PDE4DIP: variants seen among roughly 807,000 people sequenced by gnomAD.
PDE4DIP encodes myomegalin.
PDE4DIP carries 59 observed loss-of-function variants against 221.4 expected under a neutral mutation model. The ratio of observed to expected loss-of-function variants is 0.27; its 90% CI spans 0.22 to 0.33. The LOEUF is 0.33. PDE4DIP is among the 10% of genes least tolerant of loss of function. The probability of loss-of-function intolerance (pLI) is 1.00; values close to 1 mark genes in which losing one functional copy is unlikely to be tolerated. For synonymous variants in PDE4DIP, 404 were observed against 815.9 expected (o/e 0.50, Z 8.60); for missense variants, 1,036 against 2,154.2 (o/e 0.48, Z 10.28).
At position 148,813,766 on chromosome 1, in the gene PDE4DIP, T is replaced by C. The variant is rs12063862; in HGVS notation, c.233+5029T>C. ...TATTGTGATCAAGGTGTTTTTTTTT[T>C]TCTTTTTTATCTTTTTTTTTTTTTT... is the stretch of plus-strand genomic sequence containing the variant. On this transcript the variant is annotated intron_variant, in intron 1 of 45. Coordinates refer to the PDE4DIP transcript ENST00000524974. Among the ~76,000 whole-genome samples, 5 of 133,210 alleles carry C rather than the reference T, an allele frequency of 3.8e-5. No individual in the cohort carries two copies. The East Asian group carries it at 1.2e-3, about 31-fold the overall frequency. 87.4% of individuals were successfully genotyped at this position (133,210 alleles called of 152,430 possible). A position where few individuals can be genotyped will look rare whatever the true frequency, so the allele number is the denominator to read the frequency against.
chr1:149,022,022 G>C (rs1553620104), intron 37 of PDE4DIP, among the ~76,000 whole-genome samples: 1 of 149,946 alleles, frequency 6.7e-6, no homozygotes, highest in South Asian at 2.2e-4. Context: ...TCCTGAGCTT[G>C]ATTAAAAATA....
chr1:149,010,278 A>G (rs1553603919), intron 30 of PDE4DIP, among the ~76,000 whole-genome samples, 165 bp from the exon 34 acceptor site: 2 of 152,240 alleles, frequency 1.3e-5, no homozygotes, highest in East Asian at 3.9e-4. Context: ...GCCTCACTAT[A>G]GGAGCTGTCT....
chr1:148,934,514 A>G (rs2048766501), intron 4 of PDE4DIP, among the ~76,000 whole-genome samples: 1 of 152,258 alleles, frequency 6.6e-6, no homozygotes, highest in African/African-American at 2.4e-5. Flanking sequence ...TAGTGCAGAT[A>G]CCATGAGGGA....
chr1:148,986,119 G>A (rs1176024453), intron 21 of PDE4DIP: 2 of 152,180 alleles, frequency 1.3e-5, no homozygotes, highest in African/African-American at 4.8e-5. Flanking sequence ...CTTCACGCTT[G>A]AACCTGGGAG....
Position 149,030,406 on chromosome 1 carries a change from C to T in PDE4DIP, c.6999+128C>T, listed in dbSNP as rs1433985270. The T allele has an allele frequency of 1.5e-5, 23 of 1,513,810 alleles. No homozygotes were observed. In the South Asian group the frequency reaches 1.7e-4, roughly 11 times the overall value. The allele number at this position is 1,513,810 out of a possible 1,614,324, so 93.8% of individuals were successfully genotyped here. ...CAGGAGAAGACTTGGGGTCCACTTG[C>T]AAGATCACAGGTCCTCAGTGAGCAT... is the stretch of plus-strand genomic sequence containing the variant. On this transcript the variant is annotated intron_variant, in intron 43 of 43. Coordinates refer to ENST00000369354, the Ensembl canonical transcript of PDE4DIP.
At chr1:149,010,670 G>A in intron 31 of PDE4DIP, 75 bp downstream of exon 34, 1 of 1,493,974 alleles carries the variant, frequency 6.7e-7, no homozygotes, top group Non-Finnish European at 9.2e-7. Flanking sequence ...TTCAACGACA[G>A]AGGTTTGGAC....
intron 32 of PDE4DIP, among the ~76,000 whole-genome samples, chr1:149,014,954 C>G (rs1465654665): frequency 2.2e-4 from 33 of 152,126 alleles, no homozygotes; most frequent in African/African-American, 8.0e-4. Flanking sequence ...TGACTATCTG[C>G]AACCACTGAT....
chr1:148,983,391 C>T (rs2061420754), intron 21 of PDE4DIP: 1 of 152,104 alleles, frequency 6.6e-6, no homozygotes, highest in Admixed American at 6.6e-5. Context: ...CTACTTCTGT[C>T]AACCTCCAGC....
chr1:148,820,724 G>A (rs76249594), intron 1 of PDE4DIP, among the ~76,000 whole-genome samples: 7 of 146,200 alleles, frequency 4.8e-5, no homozygotes, highest in African/African-American at 1.8e-4. Flanking sequence ...TGGGGGGGGG[G>A]TGGCTAGAAT....
exon 7 of PDE4DIP, chr1:148,961,920 G>C: frequency 2.5e-6 from 4 of 1,571,664 alleles, no homozygotes; most frequent in Non-Finnish European, 3.5e-6. Flanking sequence ...GTACAATTCA[G>C]AACCTCAAGG....
At chr1:148,926,693 C>T (rs1357897102) in intron 1 of PDE4DIP, among the ~76,000 whole-genome samples, 6 of 151,780 alleles carry the variant, frequency 4.0e-5, no homozygotes, top group Admixed American at 3.9e-4. Flanking sequence ...GTTGCTCCCT[C>T]TTTGCATTTC....
chr1:148,889,174 C>T (rs1323815135), upstream of PDE4DIP, among the ~76,000 whole-genome samples: 1 of 152,014 alleles, frequency 6.6e-6, no homozygotes, highest in African/African-American at 2.4e-5. Flanking sequence ...CCTTTGTGGG[C>T]CGTTTTATGT....
At chr1:149,005,143 A>G in exon 27 of PDE4DIP, 1 of 1,614,046 alleles carries the variant, frequency 6.2e-7, no homozygotes, top group Non-Finnish European at 8.5e-7. Context: ...GTCATTCAAA[A>G]CCTCAAGAGC....
chr1:148,958,392 C>G (rs1311360176), intron 5 of PDE4DIP, among the ~76,000 whole-genome samples: 3 of 152,150 alleles, frequency 2.0e-5, no homozygotes, highest in African/African-American at 7.2e-5. Flanking sequence ...CTTTTCAAAA[C>G]TTCTGTATGA....
chr1:148,907,386 A>T, intron 1 of PDE4DIP, among the ~76,000 whole-genome samples: 1 of 117,376 alleles, frequency 8.5e-6, no homozygotes, highest in Non-Finnish European at 1.8e-5. Context: ...TGTTTTTTTG[A>T]ATTGTATTTT....
exon 34 of PDE4DIP, chr1:149,017,833 A>T (rs782437913): frequency 1.3e-5 from 21 of 1,613,580 alleles, no homozygotes; most frequent in Non-Finnish European, 1.6e-5. Context: ...ATGACCGCCT[A>T]CGGGAGCAAC....
chr1:148,923,312 C>A (rs1263445331), intron 1 of PDE4DIP, among the ~76,000 whole-genome samples: 1 of 151,376 alleles, frequency 6.6e-6, no homozygotes, highest in East Asian at 2.0e-4. Context: ...CTATTACCTT[C>A]TCACTCATTC....
intron 43 of PDE4DIP, chr1:149,031,157 TC>T (rs2076618905): frequency 2.5e-6 from 1 of 392,234 alleles, no homozygotes; most frequent in African/African-American, 2.2e-5. Flanking sequence ...TTCTTCTCTT[TC>T]CTGAGCCTCT....
At chr1:149,016,267 T>C (rs1747951) in intron 32 of PDE4DIP, 32 bp from the exon 36 acceptor site, 1 of 1,611,874 alleles carries the variant, frequency 6.2e-7, no homozygotes, top group African/African-American at 1.3e-5. Flanking sequence ...TGACACCCCA[T>C]TTGCTTCTTA....
Sources: allele counts gnomAD v4.1 joint callset (sites outside exome capture counted in the v4.1 genomes callset), GRCh38; gene constraint gnomAD v4.1.1; transcripts MANE v1.5; gene names NCBI Gene and HGNC (gene_info 2026-07-23, HGNC 2026-07-21).